ARID1B: variants seen among roughly 807,000 people sequenced by gnomAD.
The protein encoded by ARID1B is AT-rich interactive domain-containing protein 1B.
A neutral mutation model predicts 212.3 loss-of-function variants in ARID1B; 30 were observed. The observed-to-expected ratio is 0.14, with a 90% CI of 0.11 to 0.19. The LOEUF (loss-of-function observed/expected upper bound fraction) is 0.19, where lower values mean the gene tolerates loss of function less well. Ranked by LOEUF, ARID1B falls within the 10% of genes least tolerant of loss-of-function variation. The pLI is 1.00. For missense variants in ARID1B, 2,891 were observed against 3,204.0 expected, an observed-to-expected ratio of 0.90 and a Z score of 2.36; for synonymous variants, 1,402 against 1,301.7, an observed-to-expected ratio of 1.08 and a Z score of -1.66.
At chr6:156,916,846 G>C (rs183234784) in intron 3 of ARID1B, among the ~76,000 whole-genome samples, 254 of 152,192 alleles carry the variant, frequency 1.7e-3, no homozygotes, top group African/African-American at 5.7e-3. Context: ...ATTTCTCCAG[G>C]AACCTTCACC....
Position 157,094,208 on chromosome 6 carries a change from T to C in ARID1B, c.2491+9303T>C, listed in dbSNP as rs1785462955. Among the ~76,000 whole-genome samples the C allele has an allele frequency of 6.6e-6, 1 of 152,092 alleles. No individual in the cohort carries two copies. Among genetic ancestry groups the C allele is most frequent in the Non-Finnish European group, 1.5e-5 (1 of 68,024 alleles). On this transcript the variant is annotated intron_variant, in intron 5 of 19. Transcript: ENST00000636930. This position sits in a 1 kb window ranked among gnomAD's most constrained non-coding sequence, Gnocchi z 4.3. ...AGCAAACTCAAAGGCCCTGAGTTAG[T>C]ATTGTGCTTAGTGTGTTGGGCGGCG...
At chr6:157,079,128 C>T (rs1451764619) in intron 4 of ARID1B, among the ~76,000 whole-genome samples, 2 of 152,078 alleles carry the variant, frequency 1.3e-5, no homozygotes, top group African/African-American at 2.4e-5. Context: ...AAATAAAAAG[C>T]GACACATGTA....
At chr6:157,058,618 CA>C (rs1428254622) in intron 4 of ARID1B, among the ~76,000 whole-genome samples, 2 of 152,224 alleles carry the variant, frequency 1.3e-5, no homozygotes, top group Admixed American at 6.5e-5. Flanking sequence ...ACTGTGATGT[CA>C]GTCACCCTCT....
chr6:156,837,679 G>A (rs1041477146), intron 2 of ARID1B, among the ~76,000 whole-genome samples: 1 of 152,164 alleles, frequency 6.6e-6, no homozygotes, highest in African/African-American at 2.4e-5. Context: ...AGTTAAATCT[G>A]TAGTTGTGAA....
chr6:156,846,495 C>T (rs749065203), intron 2 of ARID1B, among the ~76,000 whole-genome samples: 8 of 152,026 alleles, frequency 5.3e-5, no homozygotes, highest in African/African-American at 9.7e-5. Flanking sequence ...GGTGGTCCTT[C>T]GCTTTCTGCA....
At chr6:156,864,210 A>C (rs185372555) in intron 2 of ARID1B, among the ~76,000 whole-genome samples, 1 of 152,186 alleles carries the variant, frequency 6.6e-6, no homozygotes, top group Non-Finnish European at 1.5e-5. Flanking sequence ...ACTGCAGGGT[A>C]TACTGGGAAT....
chr6:156,822,834 C>T (rs1217390387), intron 1 of ARID1B, among the ~76,000 whole-genome samples: 1 of 152,110 alleles, frequency 6.6e-6, no homozygotes, highest in African/African-American at 2.4e-5. Context: ...TCTGTGTGTG[C>T]CGTGACCAGG....
upstream of ARID1B, chr6:156,776,416 T>C (rs910559881): frequency 6.6e-6 from 1 of 152,234 alleles, no homozygotes; most frequent in Non-Finnish European, 1.5e-5. Context: ...ATAATGTCTA[T>C]AATATTTTAG....
chr6:156,932,148 G>T (rs928239437), intron 3 of ARID1B, among the ~76,000 whole-genome samples: 1 of 128,128 alleles, frequency 7.8e-6, no homozygotes, highest in Non-Finnish European at 1.6e-5. Context: ...AAAAAAAAGG[G>T]GGGGGGCGGG....
At chr6:156,797,823 C>T (rs973539540) in intron 1 of ARID1B, among the ~76,000 whole-genome samples, 1 of 152,186 alleles carries the variant, frequency 6.6e-6, no homozygotes, top group East Asian at 1.9e-4. Flanking sequence ...CTGCGGAGCA[C>T]GTGCCTGGTG....
At position 157,091,889 on chromosome 6, in the gene ARID1B, T is replaced by A. The variant is rs141154924; in HGVS notation, c.2491+6984T>A. 5.5e-3 allele frequency among the ~76,000 whole-genome samples: 842 copies of A among 152,334 alleles called. 9 individuals carry two copies. Among genetic ancestry groups the A allele is most frequent in the African/African-American group, 0.02 (819 of 41,574 alleles). ...TGGCATTTCTTGTACTGACAGAAATTTTTTATTTGAAAGTCTGCATAATCA... is the reference window on the plus strand; with the variant it reads ...TGGCATTTCTTGTACTGACAGAAATATTTTATTTGAAAGTCTGCATAATCA... On this transcript the variant is annotated intron_variant, in intron 5 of 19. Transcript: ENST00000636930.
chr6:157,011,870 C>T (rs1417037229), intron 4 of ARID1B, among the ~76,000 whole-genome samples: 2 of 152,194 alleles, frequency 1.3e-5, no homozygotes, highest in African/African-American at 2.4e-5. Context: ...AGGAAGCATA[C>T]TGCATTCCAG....
chr6:156,846,608 C>T (rs1784252316), intron 2 of ARID1B, among the ~76,000 whole-genome samples: 1 of 152,156 alleles, frequency 6.6e-6, no homozygotes, highest in African/African-American at 2.4e-5. Flanking sequence ...CAGACCCTAA[C>T]ATGCTGCTAT....
chr6:156,779,285 G>A lies in ARID1B; in HGVS notation c.1605G>A (p.Gln535=). The A allele has an allele frequency of 8.7e-7, 1 of 1,155,306 alleles. No individual in the cohort carries two copies. The highest frequency in any genetic ancestry group is 1.1e-6 in the Non-Finnish European group (1 of 939,288). The allele number at this position is 1,155,306 out of a possible 1,614,324, so 71.6% of individuals were successfully genotyped here. A position where few individuals can be genotyped will look rare whatever the true frequency, so the allele number is the denominator to read the frequency against. ...GCGCGCCGCCGCCGCCGCCGTCGCA[G>A]CCCCAGTCCCAGGCGGCGGCGGCGG... The part of the protein sequence containing the change: ...SPSAPPPPPS[Q]PQSQAAAAGA... Residue 535 remains glutamine (Q), a synonymous_variant, in exon 1 of 20, where the codon CAG becomes CAA. Transcript: ENST00000636930.
At position 156,782,297 on chromosome 6, in the gene ARID1B, A is replaced by G. The variant is rs374499679; in HGVS notation, c.1791+2826A>G. Among the ~76,000 whole-genome samples the G allele has an allele frequency of 2.6e-4, 40 of 152,116 alleles. No homozygotes were observed. The East Asian group carries it at 7.3e-3, about 28-fold the overall frequency. On this transcript the variant is annotated intron_variant, in intron 1 of 19. Transcript: ENST00000636930. ...TTAGTTTCATTTTTGATTTCAGGAA[A>G]TAGTTTCTATTGGGTGGCAAATGTT...
chr6:156,829,389 G>T lies in ARID1B; in HGVS notation c.1954G>T (p.Ala652Ser), dbSNP rs201244213. 11 of 1,614,144 alleles carry T rather than the reference G, an allele frequency of 6.8e-6. No individual in the cohort carries two copies. Among genetic ancestry groups the T allele is most frequent in the Non-Finnish European group, 9.3e-6 (11 of 1,180,022 alleles). Residue 652 changes from alanine to serine, a missense_variant, in exon 2 of 20, where the codon GCC (alanine) becomes TCC (serine). Transcript: ENST00000636930. ...PIGIQGRTPGAMAGMQYPQQQ... is the reference protein window; with the variant it reads ...PIGIQGRTPGSMAGMQYPQQQ... ...TGGCATCCAGGGTCGGACTCCCGGG[G>T]CCATGGCCGGAATGCAGTACCCTCA...
intron 8 of ARID1B, among the ~76,000 whole-genome samples, chr6:157,152,655 A>T (rs1379029868): frequency 6.6e-6 from 1 of 152,202 alleles, no homozygotes; most frequent in Non-Finnish European, 1.5e-5. Flanking sequence ...AAACATGTGT[A>T]TGACATGTTT....
chr6:156,884,375 T>G (rs1253864093), intron 2 of ARID1B, among the ~76,000 whole-genome samples: 1 of 152,172 alleles, frequency 6.6e-6, no homozygotes, highest in Non-Finnish European at 1.5e-5. Context: ...TGGTCTATTT[T>G]CAGGACAACC....
At position 157,156,136 on chromosome 6, in the gene ARID1B, C is replaced by T. The variant is rs1652954940; in HGVS notation, c.3089+7185C>T. ...CAAAAAACTTCGAAATGTGTCAAGCCCCAGTTGTAGTGGGGTCCATGTGCT... is the reference window on the plus strand; with the variant it reads ...CAAAAAACTTCGAAATGTGTCAAGCTCCAGTTGTAGTGGGGTCCATGTGCT... On this transcript the variant is annotated intron_variant, in intron 8 of 19. Coordinates refer to ENST00000636930, the MANE Select transcript of ARID1B (RefSeq NM_001374828.1). Among the ~76,000 whole-genome samples, 2 of 152,046 alleles carry T rather than the reference C, an allele frequency of 1.3e-5. 1 individual carries two copies. Among genetic ancestry groups the T allele is most frequent in the South Asian group, 4.2e-4 (2 of 4,810 alleles).
Sources: gnomAD v4.1 joint callset for allele counts (sites outside exome capture counted in the v4.1 genomes callset) on GRCh38, gnomAD v4.1.1 for gene constraint, Gnocchi (gnomAD v3.1) non-coding constraint, MANE v1.5 for transcripts, NCBI Gene and HGNC (gene_info 2026-07-23, HGNC 2026-07-21) for gene names.